The following ITFG1 variants were observed in gnomAD, a reference collection of about 807,000 sequenced individuals.
The protein encoded by ITFG1 is integrin alpha FG-GAP repeat containing 1.
ITFG1 carries 34 observed loss-of-function variants against 81.8 expected under a neutral mutation model. The observed-to-expected ratio is 0.42, with a 90% CI of 0.32 to 0.55. The LOEUF (loss-of-function observed/expected upper bound fraction) is 0.55, where lower values mean the gene tolerates loss of function less well. Ranked by LOEUF, ITFG1 falls within the 20% of genes least tolerant of loss-of-function variation. The pLI, the probability that ITFG1 is intolerant of heterozygous loss-of-function variation, is 0.17. For missense variants in ITFG1, 672 were observed against 755.4 expected, an observed-to-expected ratio of 0.89 and a Z score of 1.29; for synonymous variants, 285 against 270.6, an observed-to-expected ratio of 1.05 and a Z score of -0.52.
rs569290989 is a variant in ITFG1 at position 47,215,005 on chromosome 16, A to T, written c.1453+3863T>A. 5.3e-5 allele frequency among the ~76,000 whole-genome samples: 8 copies of T among 151,866 alleles called. No homozygotes were observed. In the East Asian group the frequency reaches 1.5e-3, roughly 29 times the overall value. ...AAATTTCATGAAACAATACTTTACCATCTGGGATGTACTCTGATCAATAGA... is the reference window on the plus strand; with the variant it reads ...AAATTTCATGAAACAATACTTTACCTTCTGGGATGTACTCTGATCAATAGA... On this transcript the variant is annotated intron_variant, in intron 14 of 17. Coordinates refer to ENST00000320640, the MANE Select transcript of ITFG1 (RefSeq NM_030790.5).
chr16:47,295,790 C>T lies in ITFG1; in HGVS notation c.1070+15450G>A, dbSNP rs1055108090. On this transcript the variant is annotated intron_variant, in intron 10 of 17. Coordinates refer to ENST00000320640, the MANE Select transcript of ITFG1 (RefSeq NM_030790.5). ...TTGATTCTTTGTATTTCTTTGGTCT[C>T]AATTTTATTTAGTACTGCTTTAATT... 2.0e-5 allele frequency among the ~76,000 whole-genome samples: 3 copies of T among 152,110 alleles called. No individual in the cohort carries two copies. In the South Asian group the frequency reaches 6.2e-4, roughly 32 times the overall value.
intron 5 of ITFG1, among the ~76,000 whole-genome samples, chr16:47,441,510 C>G (rs990634303): frequency 2.6e-5 from 4 of 152,154 alleles, no homozygotes; most frequent in Non-Finnish European, 5.9e-5. Context: ...CCCTGGGATG[C>G]AAGGCTGGTT....
chr16:47,407,552 G>C (rs1351542678), intron 6 of ITFG1, among the ~76,000 whole-genome samples: 1 of 152,058 alleles, frequency 6.6e-6, no homozygotes, highest in African/African-American at 2.4e-5. Context: ...TTGCCATGTT[G>C]GCCAGGCTGG....
intron 10 of ITFG1, among the ~76,000 whole-genome samples, chr16:47,287,237 T>C (rs1166928879): frequency 6.6e-6 from 1 of 152,054 alleles, no homozygotes; most frequent in Non-Finnish European, 1.5e-5. Flanking sequence ...AATATATATA[T>C]ATTTACATAT....
At chr16:47,446,676 T>A (rs1969328592) in intron 5 of ITFG1, among the ~76,000 whole-genome samples, 1 of 152,058 alleles carries the variant, frequency 6.6e-6, no homozygotes, top group Admixed American at 6.6e-5. Context: ...AAAAATCAAG[T>A]ATTTGTAAGG....
chr16:47,204,514 G>A (rs553334287), intron 14 of ITFG1, among the ~76,000 whole-genome samples: 1 of 152,204 alleles, frequency 6.6e-6, no homozygotes, highest in African/African-American at 2.4e-5. Flanking sequence ...GTTAGCTTTT[G>A]GTTTTTAAAA....
chr16:47,369,158 T>G (rs146372334), intron 7 of ITFG1, among the ~76,000 whole-genome samples: 1 of 152,320 alleles, frequency 6.6e-6, no homozygotes, highest in East Asian at 1.9e-4. Flanking sequence ...GCAGCATAAC[T>G]ACGCTCATTT....
At chr16:47,461,082 G>A (rs1002690116), upstream of ITFG1, 54 of 1,485,656 alleles carry the variant, frequency 3.6e-5, no homozygotes, top group Non-Finnish European at 4.4e-5. Flanking sequence ...GCCCAACGCC[G>A]CGCTTGACGA....
intron 10 of ITFG1, among the ~76,000 whole-genome samples, chr16:47,267,736 G>A (rs1211481514): frequency 6.6e-6 from 1 of 151,976 alleles, no homozygotes; most frequent in Non-Finnish European, 1.5e-5. Flanking sequence ...AATTAAATGG[G>A]AAAGCAATAA....
chr16:47,407,408 G>GT (rs1968742524), intron 6 of ITFG1, among the ~76,000 whole-genome samples: 1 of 152,198 alleles, frequency 6.6e-6, no homozygotes, highest in African/African-American at 2.4e-5. Context: ...CTGGAGTGCA[G>GT]TGGTGTGATC....
chr16:47,431,828 G>T (rs1389583740), intron 5 of ITFG1, among the ~76,000 whole-genome samples: 1 of 152,018 alleles, frequency 6.6e-6, no homozygotes, highest in Non-Finnish European at 1.5e-5. Flanking sequence ...AAACCAGAAG[G>T]TAACACTGGT....
intron 10 of ITFG1, among the ~76,000 whole-genome samples, chr16:47,293,065 CAT>C (rs950983740): frequency 3.4e-5 from 5 of 147,414 alleles, no homozygotes; most frequent in African/African-American, 9.9e-5. Context: ...TACAAATACA[CAT>C]ATACATATAT....
chr16:47,442,182 G>T (rs576573346), intron 5 of ITFG1, among the ~76,000 whole-genome samples: 1 of 152,078 alleles, frequency 6.6e-6, no homozygotes, highest in East Asian at 1.9e-4. Flanking sequence ...AATAAAAGAG[G>T]ATATAAACAA....
At chr16:47,169,488 A>C (rs1467280192) in intron 14 of ITFG1, among the ~76,000 whole-genome samples, 3 of 151,470 alleles carry the variant, frequency 2.0e-5, no homozygotes, top group Non-Finnish European at 4.4e-5. Flanking sequence ...TTTTTTAAAA[A>C]TTTCTTTGCT....
intron 6 of ITFG1, among the ~76,000 whole-genome samples, chr16:47,405,864 G>A (rs530942985): frequency 1.6e-3 from 250 of 152,204 alleles, no homozygotes; most frequent in Non-Finnish European, 2.8e-3. Flanking sequence ...TACTTTCCTG[G>A]ATTAAGTCCT....
intron 6 of ITFG1, among the ~76,000 whole-genome samples, chr16:47,400,975 A>C (rs1284521347): frequency 6.6e-6 from 1 of 152,154 alleles, no homozygotes; most frequent in Non-Finnish European, 1.5e-5. Context: ...AGATGTTAGG[A>C]TGTTGGCCAT....
intron 3 of ITFG1, 29 bp downstream of exon 3, chr16:47,453,984 A>G: frequency 7.1e-7 from 1 of 1,413,118 alleles, no homozygotes; most frequent in South Asian, 1.2e-5. Flanking sequence ...TTCAATGATA[A>G]ATATTAAAAA....
At chr16:47,434,106 C>T (rs1969132462) in intron 5 of ITFG1, among the ~76,000 whole-genome samples, 2 of 150,704 alleles carry the variant, frequency 1.3e-5, no homozygotes, top group South Asian at 4.2e-4. Flanking sequence ...TATAAAAATC[C>T]TAGAAGAAAA....
intron 14 of ITFG1, among the ~76,000 whole-genome samples, chr16:47,173,070 C>G (rs2036146398): frequency 6.6e-6 from 1 of 152,172 alleles, no homozygotes; most frequent in Admixed American, 6.5e-5. Context: ...CCTGGAATAG[C>G]CTTCCAAAGA....
Sources: allele counts gnomAD v4.1 joint callset (sites outside exome capture counted in the v4.1 genomes callset), GRCh38; gene constraint gnomAD v4.1.1; transcripts MANE v1.5; gene names NCBI Gene and HGNC (gene_info 2026-07-23, HGNC 2026-07-21).